The following PRICKLE2 variants were observed in gnomAD, a reference collection of about 807,000 sequenced individuals.
PRICKLE2 encodes the protein prickle planar cell polarity protein 2, also known as prickle-like protein 2.
A neutral mutation model predicts 81.4 loss-of-function variants in PRICKLE2; 21 were observed. The ratio of observed to expected loss-of-function variants is 0.26; its 90% confidence interval spans 0.18 to 0.37. PRICKLE2 has a LOEUF of 0.37. PRICKLE2 is among the 10% of genes least tolerant of loss of function. The pLI is 1.00. For synonymous variants in PRICKLE2, 456 were observed against 421.5 expected (o/e 1.08, Z -1.00); for missense variants, 940 against 1,109.0 (o/e 0.85, Z 2.16).
intron 1 of PRICKLE2, among the ~76,000 whole-genome samples, chr3:64,224,082 C>T (rs2078996441): frequency 6.6e-6 from 1 of 152,140 alleles, no homozygotes; most frequent in Non-Finnish European, 1.5e-5. Flanking sequence ...AATCTATGTG[C>T]CTAAGTTAGA....
chr3:64,222,195 A>T (rs866635105), intron 1 of PRICKLE2, among the ~76,000 whole-genome samples: 1 of 152,264 alleles, frequency 6.6e-6, no homozygotes, highest in Middle Eastern at 3.4e-3. Flanking sequence ...AGGAAGCCAA[A>T]GTTCAGAGAG....
At chr3:64,199,324 C>T (rs1365215727) in intron 1 of PRICKLE2, 4 of 372,574 alleles carry the variant, frequency 1.1e-5, no homozygotes, top group Non-Finnish European at 2.0e-5. Flanking sequence ...TCCTTGACTG[C>T]AATAGCAATT....
In PRICKLE2 at chr3:64,255,439, T is replaced by A. The variant is rs138738358; in HGVS notation, c.129-56472A>T. The stretch of plus-strand genomic sequence containing the variant: ...CTTCCTTATAGGTTCCTTGGGAGCA[T>A]CTTTGGAGGGAGCAAGGGTTTATAC... On this transcript the variant is annotated intron_variant, in intron 2 of 8. Coordinates refer to the PRICKLE2 transcript ENST00000295902. Among the ~76,000 whole-genome samples, 29 of 152,262 alleles carry A rather than the reference T, an allele frequency of 1.9e-4. No individual in the cohort carries two copies. In the East Asian group the frequency reaches 5.6e-3, roughly 29 times the overall value.
intron 6 of PRICKLE2, among the ~76,000 whole-genome samples, chr3:64,148,041 A>G (rs1237600457): frequency 1.3e-5 from 2 of 152,212 alleles, no homozygotes; most frequent in Non-Finnish European, 2.9e-5. Flanking sequence ...AGCTTTATAT[A>G]TGTAAACTCA....
chr3:64,125,134 G>C (rs780596543), intron 7 of PRICKLE2, among the ~76,000 whole-genome samples: 10 of 152,162 alleles, frequency 6.6e-5, no homozygotes, highest in East Asian at 3.9e-4. Flanking sequence ...TAGATTGCAG[G>C]TATAGTGGAA....
intron 6 of PRICKLE2, among the ~76,000 whole-genome samples, chr3:64,152,297 C>G (rs1174899430): frequency 2.0e-5 from 3 of 152,174 alleles, no homozygotes; most frequent in African/African-American, 7.2e-5. Context: ...TGTGATCTCA[C>G]AGACATTCAG....
intron 3 of PRICKLE2, 62 bp from the exon 4 acceptor site, chr3:64,160,139 C>T (rs1236464486): frequency 4.4e-6 from 7 of 1,574,166 alleles, no homozygotes; most frequent in Non-Finnish European, 6.1e-6. Flanking sequence ...TTTCTGAAGC[C>T]CATGACTCTG....
intron 2 of PRICKLE2, among the ~76,000 whole-genome samples, chr3:64,186,486 C>G (rs1429136194): frequency 6.6e-6 from 1 of 152,146 alleles, no homozygotes; most frequent in Non-Finnish European, 1.5e-5. Context: ...TTATCGGAGG[C>G]CAGCACAAAG....
At chr3:64,110,524 A>T (rs1006179855) in intron 7 of PRICKLE2, among the ~76,000 whole-genome samples, 2 of 152,194 alleles carry the variant, frequency 1.3e-5, no homozygotes, top group African/African-American at 4.8e-5. Context: ...GATAATAATC[A>T]CTAGGAAGGA....
In PRICKLE2 at chr3:64,209,366, G is replaced by A. The variant is rs115712120; in HGVS notation, c.-40-10399C>T. 8.9e-3 allele frequency among the ~76,000 whole-genome samples: 1,215 copies of A among 136,428 alleles called. 19 individuals are homozygous for A. The highest frequency in any genetic ancestry group is 0.032 in the African/African-American group (1,139 of 35,574). The allele number at this position is 136,428 out of a possible 152,430, so 89.5% of individuals were successfully genotyped here. A position where few individuals can be genotyped will look rare whatever the true frequency, so the allele number is the denominator to read the frequency against. On this transcript the variant is annotated intron_variant, in intron 1 of 7. Coordinates refer to ENST00000638394, the MANE Select transcript of PRICKLE2 (RefSeq NM_198859.4). ...CCTATCTATCCATTCATTTATATCC[G>A]TACATACATCCATATCTACCCATCC... is the stretch of plus-strand genomic sequence containing the variant.
chr3:64,215,117 T>C (rs907436809), intron 1 of PRICKLE2, among the ~76,000 whole-genome samples: 6 of 152,168 alleles, frequency 3.9e-5, no homozygotes, highest in African/African-American at 1.4e-4. Context: ...TGCCATTAAC[T>C]TCTGACAACA....
At chr3:64,150,507 G>C (rs1418222607) in intron 6 of PRICKLE2, among the ~76,000 whole-genome samples, 2 of 152,084 alleles carry the variant, frequency 1.3e-5, no homozygotes, top group Non-Finnish European at 2.9e-5. Flanking sequence ...TAACTAGGAG[G>C]CTGCTCTGTC....
chr3:64,213,895 G>A (rs751794171), intron 1 of PRICKLE2, among the ~76,000 whole-genome samples: 16 of 152,090 alleles, frequency 1.1e-4, no homozygotes, highest in Non-Finnish European at 1.9e-4. Flanking sequence ...ATACCTTTTG[G>A]CAGCCCCTCC....
chr3:64,226,245 T>C (rs2079030000), upstream of PRICKLE2, among the ~76,000 whole-genome samples: 1 of 152,174 alleles, frequency 6.6e-6, no homozygotes, highest in Non-Finnish European at 1.5e-5. Context: ...GAATCCACAT[T>C]TCCTAGACCT....
chr3:64,171,655 A>T (rs899015637), intron 2 of PRICKLE2, among the ~76,000 whole-genome samples: 1 of 152,214 alleles, frequency 6.6e-6, no homozygotes, highest in African/African-American at 2.4e-5. Flanking sequence ...TTCAAATCTT[A>T]CCTTTCTAGC....
chr3:64,236,787 G>C (rs549806306), intron 2 of PRICKLE2, among the ~76,000 whole-genome samples: 1 of 152,328 alleles, frequency 6.6e-6, no homozygotes, highest in East Asian at 1.9e-4. Flanking sequence ...CTCTTCAGAA[G>C]CCTCCTCTGA....
At chr3:64,144,863 C>T (rs1055489822) in intron 7 of PRICKLE2, among the ~76,000 whole-genome samples, 13 of 152,122 alleles carry the variant, frequency 8.5e-5, no homozygotes, top group Non-Finnish European at 1.0e-4. Flanking sequence ...TGGATGGCAC[C>T]GCAACATCGA....
rs1407100934 is a variant in PRICKLE2 at position 64,092,767 on chromosome 3, CAAG to C, written c.*6281_*6283del. 1.3e-5 allele frequency: 2 copies of C among 152,296 alleles called. No homozygotes were observed. The highest frequency in any genetic ancestry group is 6.5e-5 in the Admixed American group (1 of 15,292). 9.4% of individuals were successfully genotyped at this position (152,296 alleles called of 1,614,324 possible). On this transcript the variant is annotated 3_prime_UTR_variant, in exon 8 of 8. Coordinates refer to ENST00000638394, the MANE Select transcript of PRICKLE2 (RefSeq NM_198859.4). The stretch of plus-strand genomic sequence containing the variant: ...GTGTGGCCTGGGTAGGAATCAGTTT[CAAG>C]AATTCTCAAGGAACAAAGACACTAA...
upstream of PRICKLE2, among the ~76,000 whole-genome samples, chr3:64,227,132 G>T (rs974237431): frequency 6.6e-6 from 1 of 152,194 alleles, no homozygotes; most frequent in Non-Finnish European, 1.5e-5. Context: ...CTTCTCTCTA[G>T]TTCCCAGAAG....
Sources: gnomAD v4.1 joint callset for allele counts (sites outside exome capture counted in the v4.1 genomes callset) on GRCh38, gnomAD v4.1.1 for gene constraint, MANE v1.5 for transcripts, NCBI Gene and HGNC (gene_info 2026-07-23, HGNC 2026-07-21) for gene names.